The following IMMP2L variants were observed in gnomAD, a reference collection of about 807,000 sequenced individuals.
IMMP2L encodes inner mitochondrial membrane peptidase subunit 2.
IMMP2L carries 18 observed loss-of-function variants against 19.3 expected under a neutral mutation model. The ratio of observed to expected loss-of-function variants is 0.93; its 90% CI spans 0.64 to 1.38. The LOEUF is 1.38. Among genes scored for constraint, IMMP2L ranks in the 40% most tolerant of loss-of-function variants. The pLI, the probability that IMMP2L is intolerant of heterozygous loss-of-function variation, is 0.00. For missense variants in IMMP2L, 233 were observed against 218.2 expected (o/e 1.07, Z -0.43); for synonymous variants, 76 against 73.0 (o/e 1.04, Z -0.21).
At chr7:111,313,028 C>G (rs550943687) in intron 3 of IMMP2L, among the ~76,000 whole-genome samples, 1 of 152,224 alleles carries the variant, frequency 6.6e-6, no homozygotes, top group South Asian at 2.1e-4. Flanking sequence ...GGCTGGAGCC[C>G]ACAAGCCTGC....
intron 5 of IMMP2L, among the ~76,000 whole-genome samples, chr7:110,755,688 G>A (rs1370925320): frequency 6.6e-6 from 1 of 152,072 alleles, no homozygotes; most frequent in Non-Finnish European, 1.5e-5. Flanking sequence ...TTGTTAAAAG[G>A]TGTAGCGGAA....
chr7:110,696,425 C>CT (rs374621101), intron 5 of IMMP2L, among the ~76,000 whole-genome samples: 11,515 of 119,594 alleles, frequency 0.096, 843 homozygotes, highest in Middle Eastern at 0.17. Context: ...TCCTTTTTCT[C>CT]TTTTTTTTTT....
chr7:111,413,606 T>G (rs1170329353), intron 3 of IMMP2L, among the ~76,000 whole-genome samples: 1 of 151,714 alleles, frequency 6.6e-6, no homozygotes, highest in Non-Finnish European at 1.5e-5. Flanking sequence ...CAAAACTATA[T>G]GACAATATCA....
chr7:110,882,348 C>CCTCTCTCCCTCTCTCTCTCT (rs146518115), intron 5 of IMMP2L, among the ~76,000 whole-genome samples: 1 of 137,070 alleles, frequency 7.3e-6, no homozygotes, highest in Non-Finnish European at 1.6e-5. Context: ...TTCCCTCCTT[C>CCTCTCTCCCTCTCTCTCTCT]CTCTCTCCCT....
At chr7:110,984,748 A>T in intron 3 of IMMP2L, among the ~76,000 whole-genome samples, 1 of 152,214 alleles carries the variant, frequency 6.6e-6, no homozygotes. Flanking sequence ...ACAAAAATCA[A>T]TAATATTTTC....
chr7:110,972,521 G>T (rs990282832), intron 3 of IMMP2L, among the ~76,000 whole-genome samples: 5 of 152,040 alleles, frequency 3.3e-5, no homozygotes, highest in Non-Finnish European at 7.4e-5. Context: ...TAGAGAAGAG[G>T]TTAATTTGGA....
chr7:111,174,065 C>A (rs1481995170), intron 3 of IMMP2L, among the ~76,000 whole-genome samples: 1 of 151,580 alleles, frequency 6.6e-6, no homozygotes, highest in Non-Finnish European at 1.5e-5. Context: ...ACTACCTGCC[C>A]CATATCATAA....
At chr7:111,171,720 G>A (rs532188702) in intron 3 of IMMP2L, among the ~76,000 whole-genome samples, 4 of 151,398 alleles carry the variant, frequency 2.6e-5, no homozygotes, top group African/African-American at 9.7e-5. Context: ...ACATCTGAGG[G>A]TGCTCCTTAG....
chr7:110,833,052 G>A (rs1254273655), intron 5 of IMMP2L, among the ~76,000 whole-genome samples: 4 of 152,118 alleles, frequency 2.6e-5, no homozygotes, highest in African/African-American at 7.2e-5. Context: ...GTCATATTAT[G>A]GCCTTGCTTC....
intron 1 of IMMP2L, among the ~76,000 whole-genome samples, chr7:111,540,488 C>A (rs2613590): frequency 0.66 from 100,306 of 151,962 alleles, 34,036 homozygotes; most frequent in African/African-American, 0.81. Flanking sequence ...TATTCAAAAG[C>A]TCTAACGAGG....
chr7:111,088,782 G>A (rs2129577484), intron 3 of IMMP2L, among the ~76,000 whole-genome samples: 1 of 152,192 alleles, frequency 6.6e-6, no homozygotes, highest in South Asian at 2.1e-4. Flanking sequence ...TCTTTGGAGA[G>A]AGCCACATTT....
intron 3 of IMMP2L, among the ~76,000 whole-genome samples, chr7:111,443,445 C>A (rs1247810820): frequency 6.6e-6 from 1 of 152,120 alleles, no homozygotes. Flanking sequence ...CTCTTTGACC[C>A]AAAATCAACT....
intron 5 of IMMP2L, among the ~76,000 whole-genome samples, chr7:110,886,061 T>C (rs1810189217): frequency 6.6e-6 from 1 of 152,006 alleles, no homozygotes; most frequent in Non-Finnish European, 1.5e-5. Context: ...CTAAAACTTA[T>C]TTTAAATTTG....
At chr7:110,864,591 G>A (rs1428864326) in intron 5 of IMMP2L, among the ~76,000 whole-genome samples, 1 of 151,988 alleles carries the variant, frequency 6.6e-6, no homozygotes, top group Non-Finnish European at 1.5e-5. Context: ...AAATCACCCT[G>A]AAGAAACACA....
At chr7:110,675,310 A>G (rs373607367) in intron 5 of IMMP2L, among the ~76,000 whole-genome samples, 2 of 152,038 alleles carry the variant, frequency 1.3e-5, no homozygotes, top group Non-Finnish European at 2.9e-5. Flanking sequence ...GCAGGCCCCA[A>G]CTTAATTCAA....
At chr7:111,503,803 T>C (rs1174401170) in intron 2 of IMMP2L, among the ~76,000 whole-genome samples, 3 of 152,152 alleles carry the variant, frequency 2.0e-5, no homozygotes, top group Non-Finnish European at 4.4e-5. Context: ...ATAAATTAGA[T>C]ATTGATGGGA....
chr7:110,839,162 A>T (rs1195851094), intron 5 of IMMP2L, among the ~76,000 whole-genome samples: 2 of 152,102 alleles, frequency 1.3e-5, no homozygotes, highest in Non-Finnish European at 2.9e-5. Flanking sequence ...CACAGTGAAA[A>T]TTTTCTATTG....
chr7:111,409,215 T>C (rs1387170798), intron 3 of IMMP2L, among the ~76,000 whole-genome samples: 1 of 151,686 alleles, frequency 6.6e-6, no homozygotes, highest in East Asian at 1.9e-4. Flanking sequence ...GAAGAAACCA[T>C]TTCATAATAG....
At chr7:110,743,742 TG>T (rs1406045840) in intron 5 of IMMP2L, among the ~76,000 whole-genome samples, 1 of 152,200 alleles carries the variant, frequency 6.6e-6, no homozygotes, top group East Asian at 1.9e-4. Flanking sequence ...CTGTGCACTC[TG>T]GCCCAGATAC....
Sources: gnomAD v4.1 joint callset for allele counts (sites outside exome capture counted in the v4.1 genomes callset) on GRCh38, gnomAD v4.1.1 for gene constraint, MANE v1.5 for transcripts, NCBI Gene and HGNC (gene_info 2026-07-23, HGNC 2026-07-21) for gene names.